BAZ2B: variants seen among roughly 807,000 people sequenced by gnomAD.
BAZ2B encodes bromodomain adjacent to zinc finger domain protein 2B.
Under a neutral mutation model 246.0 loss-of-function variants are expected in BAZ2B, and 91 were observed. That is an observed-to-expected ratio of 0.37 (90% CI 0.31 to 0.44). The LOEUF (loss-of-function observed/expected upper bound fraction) is 0.44. BAZ2B is among the 20% of genes least tolerant of loss of function. The probability of loss-of-function intolerance (pLI) is 1.00; values close to 1 mark genes in which losing one functional copy is unlikely to be tolerated. For missense variants in BAZ2B, 2,332 were observed against 2,533.7 expected, an observed-to-expected ratio of 0.92 and a Z score of 1.71; for synonymous variants, 855 against 860.0, an observed-to-expected ratio of 0.99 and a Z score of 0.10.
intron 25 of BAZ2B, among the ~76,000 whole-genome samples, chr2:159,380,826 C>T (rs1202590549): frequency 6.6e-6 from 1 of 152,158 alleles, no homozygotes; most frequent in Non-Finnish European, 1.5e-5. Flanking sequence ...TAAGCCTGTC[C>T]TGTGTGACTC....
At chr2:159,638,054 C>A in the BAZ2B span, among the ~76,000 whole-genome samples, 2 of 152,238 alleles carry the variant, frequency 1.3e-5, no homozygotes, top group African/African-American at 4.8e-5. Flanking sequence ...ACCATACCCC[C>A]AGTTCCAGGT....
At chr2:159,423,314 T>TAAACAAACAAACCAAC (rs1553603534) in intron 13 of BAZ2B, among the ~76,000 whole-genome samples, 1 of 151,092 alleles carries the variant, frequency 6.6e-6, no homozygotes, top group East Asian at 1.9e-4. Flanking sequence ...AGACTCTATC[T>TAAACAAACAAACCAAC]AAACAAACAA....
At chr2:159,338,835 T>C (rs1169954772) in intron 31 of BAZ2B, among the ~76,000 whole-genome samples, 5 of 152,190 alleles carry the variant, frequency 3.3e-5, no homozygotes, top group African/African-American at 9.7e-5. Flanking sequence ...AAATCTTCCA[T>C]ATCTCTGCCA....
At chr2:159,548,121 T>C (rs1014399577) in intron 2 of BAZ2B, among the ~76,000 whole-genome samples, 6 of 152,214 alleles carry the variant, frequency 3.9e-5, no homozygotes, top group Admixed American at 3.3e-4. Context: ...GGCTGCTACA[T>C]ACTAATTTTG....
At chr2:159,630,824 G>T in the BAZ2B span, among the ~76,000 whole-genome samples, 1 of 151,720 alleles carries the variant, frequency 6.6e-6, no homozygotes, top group Admixed American at 6.6e-5. Context: ...GTGAGCCACC[G>T]CGCCCGGCCA....
At chr2:159,539,575 C>CA (rs2086408185) in intron 2 of BAZ2B, among the ~76,000 whole-genome samples, 1 of 151,976 alleles carries the variant, frequency 6.6e-6, no homozygotes, top group African/African-American at 2.4e-5. Context: ...ATCAACCAAC[C>CA]AAAAAAATCT....
intron 2 of BAZ2B, 105 bp from the exon 3 acceptor site, chr2:159,478,826 T>G (rs1400831478): frequency 1.2e-6 from 1 of 812,840 alleles, no homozygotes; most frequent in Non-Finnish European, 1.7e-6. Flanking sequence ...AATAAATTTC[T>G]AAATACATGT....
At chr2:159,685,802 A>G in the BAZ2B span, among the ~76,000 whole-genome samples, 9 of 152,250 alleles carry the variant, frequency 5.9e-5, no homozygotes, top group African/African-American at 2.2e-4. Context: ...TAAATAATAA[A>G]TAAGAGTGAA....
At chr2:159,606,090 A>G (rs758496477) in intron 1 of BAZ2B, among the ~76,000 whole-genome samples, 2 of 152,250 alleles carry the variant, frequency 1.3e-5, no homozygotes, top group Non-Finnish European at 2.9e-5. Flanking sequence ...GAAAATATTA[A>G]TGACAAGGCA....
intron 2 of BAZ2B, among the ~76,000 whole-genome samples, chr2:159,530,893 C>G (rs1410555990): frequency 6.6e-6 from 1 of 152,080 alleles, no homozygotes; most frequent in Non-Finnish European, 1.5e-5. Context: ...TCACTTGAAC[C>G]CAGGAGGCAA....
At chr2:159,441,603 C>T (rs2073402138) in intron 6 of BAZ2B, among the ~76,000 whole-genome samples, 1 of 152,058 alleles carries the variant, frequency 6.6e-6, no homozygotes, top group Admixed American at 6.6e-5. Context: ...TAGTAAGTCT[C>T]TTTTCTCTTA....
At chr2:159,550,025 T>A (rs1199790027) in intron 2 of BAZ2B, among the ~76,000 whole-genome samples, 1 of 152,090 alleles carries the variant, frequency 6.6e-6, no homozygotes, top group Admixed American at 6.5e-5. Context: ...GGTTTTGCCA[T>A]GTCGGCCAAG....
chr2:159,552,271 A>C (rs2088370781), intron 2 of BAZ2B, among the ~76,000 whole-genome samples: 1 of 152,198 alleles, frequency 6.6e-6, no homozygotes, highest in Admixed American at 6.5e-5. Flanking sequence ...GCTGAAAGTC[A>C]ATAAAGTTAT....
chr2:159,430,456 G>A (rs1212948894), intron 10 of BAZ2B, among the ~76,000 whole-genome samples: 1 of 152,178 alleles, frequency 6.6e-6, no homozygotes, highest in Non-Finnish European at 1.5e-5. Flanking sequence ...GTCAATAGTA[G>A]GCTAACAGTT....
At chr2:159,534,404 C>A (rs1356844220) in intron 2 of BAZ2B, among the ~76,000 whole-genome samples, 1 of 152,034 alleles carries the variant, frequency 6.6e-6, no homozygotes, top group East Asian at 1.9e-4. Flanking sequence ...ATACTGTAGG[C>A]AACTGTAACA....
chr2:159,625,722 C>A, the BAZ2B span, among the ~76,000 whole-genome samples: 1 of 152,184 alleles, frequency 6.6e-6, no homozygotes, highest in South Asian at 2.1e-4. Flanking sequence ...ACTGCAAAAA[C>A]ATACCAAATT....
chr2:159,519,384 C>G (rs1269646278), intron 2 of BAZ2B, among the ~76,000 whole-genome samples: 3 of 147,976 alleles, frequency 2.0e-5, no homozygotes, highest in African/African-American at 7.4e-5. Context: ...CGCCCGCCAC[C>G]GCGCCCGGCT....
intron 27 of BAZ2B, among the ~76,000 whole-genome samples, chr2:159,364,108 C>T (rs1331409646): frequency 1.3e-5 from 2 of 152,088 alleles, no homozygotes; most frequent in East Asian, 3.9e-4. Context: ...GGCTCAGTCC[C>T]CTTTACTCTC....
rs751762655 is a variant in BAZ2B at position 159,429,222 on chromosome 2, G to A, written c.2233C>T (p.Leu745=). 9 of 1,561,650 alleles carry A rather than the reference G, an allele frequency of 5.8e-6. No homozygotes were observed. In the Admixed American group the frequency reaches 8.6e-5, roughly 15 times the overall value. The change falls in exon 11 of 37, where the codon CTG becomes TTG. Residue 745 remains leucine (L), a synonymous_variant. Coordinates refer to ENST00000392783, the MANE Select transcript of BAZ2B (RefSeq NM_013450.4). Reference sequence around the variant, plus strand: ...TACCCATATTCCAATGGAATACGCAGTTCACGTTCATCTGTTACTCTTCTT... The same window carrying A: ...TACCCATATTCCAATGGAATACGCAATTCACGTTCATCTGTTACTCTTCTT... ...KRRRVTDERE[L]RIPLEYGWQR...
Sources: gnomAD v4.1 joint callset for allele counts (sites outside exome capture counted in the v4.1 genomes callset) on GRCh38, gnomAD v4.1.1 for gene constraint, MANE v1.5 for transcripts, NCBI Gene and HGNC (gene_info 2026-07-23, HGNC 2026-07-21) for gene names.